The following RIC1 variants were observed in gnomAD, a reference collection of about 807,000 sequenced individuals.
RIC1 encodes the protein guanine nucleotide exchange factor subunit RIC1.
A neutral mutation model predicts 169.0 loss-of-function variants in RIC1; 88 were observed. The observed-to-expected ratio is 0.52, with a 90% confidence interval of 0.44 to 0.62. The LOEUF is 0.62. RIC1 is among the 20% of genes least tolerant of loss of function. The pLI is 0.00. For synonymous variants in RIC1, 790 were observed against 601.5 expected (o/e 1.31, Z -4.59); for missense variants, 1,877 against 1,725.5 (o/e 1.09, Z -1.56).
intron 3 of RIC1, among the ~76,000 whole-genome samples, chr9:5,710,716 A>C (rs1586993520): frequency 1.3e-5 from 2 of 152,204 alleles, no homozygotes; most frequent in African/African-American, 4.8e-5. Flanking sequence ...TGAGGAAATA[A>C]TTAACAACCT....
chr9:5,746,967 T>G (rs1444734896), intron 11 of RIC1, among the ~76,000 whole-genome samples: 2 of 152,116 alleles, frequency 1.3e-5, no homozygotes, highest in East Asian at 3.8e-4. Context: ...CACCCTTGAG[T>G]TTTATGTCAA....
intron 15 of RIC1, among the ~76,000 whole-genome samples, 195 bp downstream of exon 15, chr9:5,755,125 A>G (rs1825929885): frequency 6.6e-6 from 1 of 152,316 alleles, no homozygotes; most frequent in Non-Finnish European, 1.5e-5. Context: ...GACAATTGAG[A>G]CTTTTAAGAT....
intron 8 of RIC1, among the ~76,000 whole-genome samples, chr9:5,740,071 T>G (rs544711786): frequency 6.6e-6 from 1 of 152,322 alleles, no homozygotes; most frequent in Non-Finnish European, 1.5e-5. Flanking sequence ...ATGGAATCCC[T>G]GAGTTCATCA....
chr9:5,740,808 C>G (rs558197492), intron 8 of RIC1, among the ~76,000 whole-genome samples: 2 of 152,050 alleles, frequency 1.3e-5, no homozygotes, highest in Non-Finnish European at 2.9e-5. Context: ...CAGACACACC[C>G]GGGATTAATA....
intron 3 of RIC1, among the ~76,000 whole-genome samples, chr9:5,696,352 T>A (rs1404314592): frequency 6.6e-6 from 1 of 152,160 alleles, no homozygotes; most frequent in Non-Finnish European, 1.5e-5. Context: ...CCACAATTCC[T>A]ATTTAATGCC....
chr9:5,769,143 T>A lies in RIC1; in HGVS notation c.3311T>A (p.Val1104Glu). Reference protein sequence around the residue: ...LCKERTRAARVDNFVIALKRL... With the variant: ...LCKERTRAAREDNFVIALKRL... The stretch of plus-strand genomic sequence containing the variant: ...AAGGAACGTACCCGAGCCGCCCGGG[T>A]AGACAACTTTGTAATAGCCCTGAAG... Residue 1104 changes from valine to glutamate, a missense_variant, in exon 22 of 26, where the codon GTA becomes GAA. Around this residue, in one of 3 missense-constraint regions of RIC1, gnomAD observed 681 missense variants for 582.0 expected, o/e 1.17. Transcript: ENST00000414202. The A allele has an allele frequency of 6.2e-7, 1 of 1,614,090 alleles. No individual in the cohort carries two copies. Among genetic ancestry groups the A allele is most frequent in the Non-Finnish European group, 8.5e-7 (1 of 1,179,976 alleles).
intron 17 of RIC1, among the ~76,000 whole-genome samples, chr9:5,761,189 C>T (rs1826314509): frequency 7.2e-6 from 1 of 139,242 alleles, no homozygotes; most frequent in African/African-American, 2.7e-5. Context: ...TCTTGGCTCA[C>T]TGCAGCCTCC....
At chr9:5,677,279 A>C (rs1409859676) in intron 2 of RIC1, among the ~76,000 whole-genome samples, 1 of 152,110 alleles carries the variant, frequency 6.6e-6, no homozygotes, top group Admixed American at 6.5e-5. Flanking sequence ...ATAACTAATG[A>C]TGTTGAACAT....
chr9:5,632,320 C>A (rs985973864), intron 1 of RIC1, among the ~76,000 whole-genome samples: 1 of 152,114 alleles, frequency 6.6e-6, no homozygotes, highest in Admixed American at 6.5e-5. Context: ...AGTGATAATT[C>A]ATAAGACTGA....
intron 1 of RIC1, among the ~76,000 whole-genome samples, chr9:5,651,907 A>G (rs988217507): frequency 1.3e-5 from 2 of 152,128 alleles, no homozygotes; most frequent in African/African-American, 4.8e-5. Flanking sequence ...GTATAGTAAG[A>G]TAAGGGTCTA....
chr9:5,758,052 G>A (rs1226117514), intron 17 of RIC1, among the ~76,000 whole-genome samples: 1 of 152,192 alleles, frequency 6.6e-6, no homozygotes, highest in Admixed American at 6.5e-5. Flanking sequence ...CTACTGTAGG[G>A]AGAGCAACTG....
intron 2 of RIC1, among the ~76,000 whole-genome samples, chr9:5,687,109 A>C (rs1016295726): frequency 2.0e-5 from 3 of 152,134 alleles, no homozygotes; most frequent in Non-Finnish European, 4.4e-5. Flanking sequence ...ATCTCATCCA[A>C]GTTGTTAAAA....
chr9:5,658,063 C>G (rs1443566152), intron 2 of RIC1, among the ~76,000 whole-genome samples: 1 of 152,090 alleles, frequency 6.6e-6, no homozygotes, highest in African/African-American at 2.4e-5. Context: ...TGTAGTAACA[C>G]AGTTGTAACT....
chr9:5,747,823 A>G (rs1054981949), intron 12 of RIC1, among the ~76,000 whole-genome samples: 1 of 151,964 alleles, frequency 6.6e-6, no homozygotes, highest in Admixed American at 6.6e-5. Context: ...AGCTCTACGG[A>G]TTTGCACAGG....
chr9:5,693,202 A>G (rs1821689428), intron 3 of RIC1, among the ~76,000 whole-genome samples: 1 of 152,146 alleles, frequency 6.6e-6, no homozygotes, highest in Admixed American at 6.5e-5. Context: ...TCACTTAGTT[A>G]TAGAAATACT....
In RIC1 at chr9:5,713,993, C is replaced by A. The variant is rs1235287556; in HGVS notation, c.430C>A (p.Pro144Thr). The change falls in exon 4 of 26, where the codon CCC becomes ACC. Residue 144 changes from proline (P) to threonine (T), a missense_variant. Pro to Thr is a conservative substitution (Grantham distance 38). Coordinates refer to ENST00000414202, the MANE Select transcript of RIC1 (RefSeq NM_020829.4). ...GAGGAAAATACTGGATTTACAAGCA[C>A]CCATCATGAGGTACAGTACTTTGGT... The part of the protein sequence containing the change: ...EMRKILDLQA[P>T]IMSLQSVLED... 6.2e-7 allele frequency: 1 copy of A among 1,607,608 alleles called. No homozygotes were observed. Among genetic ancestry groups the A allele is most frequent in the Non-Finnish European group, 8.5e-7 (1 of 1,175,162 alleles).
At chr9:5,690,608 A>T (rs1350320169) in intron 3 of RIC1, among the ~76,000 whole-genome samples, 2 of 151,596 alleles carry the variant, frequency 1.3e-5, no homozygotes, top group Non-Finnish European at 2.9e-5. Flanking sequence ...ATAAAAATAT[A>T]AGAGCATTTA....
At chr9:5,644,423 G>T (rs1818401773) in intron 1 of RIC1, among the ~76,000 whole-genome samples, 1 of 152,182 alleles carries the variant, frequency 6.6e-6, no homozygotes. Flanking sequence ...GGATACAAGT[G>T]CAGTTTTTTT....
At chr9:5,712,704 A>G (rs1283271905) in intron 3 of RIC1, 1 of 152,236 alleles carries the variant, frequency 6.6e-6, no homozygotes, top group Non-Finnish European at 1.5e-5. Context: ...ATATTAATAC[A>G]TCGAAGACAT....
Sources: gnomAD v4.1 joint callset for allele counts (sites outside exome capture counted in the v4.1 genomes callset) on GRCh38, gnomAD v4.1.1 for gene constraint, gnomAD v4.1.1 regional missense constraint, MANE v1.5 for transcripts, NCBI Gene and HGNC (gene_info 2026-07-23, HGNC 2026-07-21) for gene names.